Variants in FREM2 observed in about 807,000 individuals in gnomAD.
FREM2 encodes FRAS1 related extracellular matrix 2.
FREM2 carries 119 observed loss-of-function variants against 219.9 expected under a neutral mutation model. That is an observed-to-expected ratio of 0.54 (90% confidence interval 0.47 to 0.63). The LOEUF (loss-of-function observed/expected upper bound fraction) is 0.63. FREM2 is among the 30% of genes least tolerant of loss of function. FREM2 has a pLI of 0.00. For synonymous variants in FREM2, 1,562 were observed against 1,522.8 expected (o/e 1.03, Z -0.60); for missense variants, 4,030 against 3,993.6 (o/e 1.01, Z -0.25).
chr13:38,773,406 T>A (rs1873747156), intron 4 of FREM2, among the ~76,000 whole-genome samples: 1 of 152,052 alleles, frequency 6.6e-6, no homozygotes, highest in African/African-American at 2.4e-5. Flanking sequence ...CCCTTTTTTT[T>A]TCGAGACGGT....
Position 38,691,580 on chromosome 13 carries a change from G to A in FREM2, c.4236G>A (p.Val1412=). ...INPLIDRYFY[V]SIGSIDIVFP... is the part of the protein sequence containing the mutation. ...CCCTCATAGATCGTTACTTTTATGT[G>A]TCCATCGGGAGCATTGACATTGTCT... is the stretch of plus-strand genomic sequence containing the variant. The change falls in exon 1 of 24, where the codon GTG becomes GTA. Residue 1412 remains valine, a synonymous_variant. Coordinates refer to ENST00000280481, the MANE Select transcript of FREM2 (RefSeq NM_207361.6). 2 of 1,614,178 alleles carry A rather than the reference G, an allele frequency of 1.2e-6. No individual in the cohort carries two copies. Among genetic ancestry groups the A allele is most frequent in the Non-Finnish European group, 1.7e-6 (2 of 1,180,032 alleles).
chr13:38,688,904 G>A lies in FREM2; in HGVS notation c.1560G>A (p.Gln520=), dbSNP rs759006881. ...TGGCAGCCGGCCAGGTGGTCTACCA[G>A]CATGATGACAGAGACGGCTCGCTGA... ...AELAAGQVVY[Q]HDDRDGSLSD... is the part of the protein sequence containing the mutation. Residue 520 remains glutamine, a synonymous_variant, in exon 1 of 24, where the codon CAG becomes CAA. Coordinates refer to ENST00000280481, the MANE Select transcript of FREM2 (RefSeq NM_207361.6). 2.5e-6 allele frequency: 4 copies of A among 1,612,930 alleles called. No homozygotes were observed. Among genetic ancestry groups the A allele is most frequent in the Non-Finnish European group, 1.7e-6 (2 of 1,179,488 alleles).
chr13:38,801,808 T>C (rs1035756973), intron 6 of FREM2, among the ~76,000 whole-genome samples: 1 of 152,178 alleles, frequency 6.6e-6, no homozygotes, highest in Non-Finnish European at 1.5e-5. Flanking sequence ...GCCCAGTTCG[T>C]TGGCTTTCAT....
At chr13:38,764,793 T>C (rs187114651) in intron 3 of FREM2, among the ~76,000 whole-genome samples, 2 of 152,368 alleles carry the variant, frequency 1.3e-5, no homozygotes, top group Admixed American at 1.3e-4. Flanking sequence ...GACCTTTCTT[T>C]GTAACAACAG....
intron 11 of FREM2, among the ~76,000 whole-genome samples, chr13:38,855,540 A>C (rs1444612639): frequency 6.6e-6 from 1 of 152,156 alleles, no homozygotes; most frequent in Non-Finnish European, 1.5e-5. Context: ...CCAATGTCTT[A>C]TTATTAAAAT....
intron 4 of FREM2, among the ~76,000 whole-genome samples, chr13:38,781,365 A>G (rs1874110591): frequency 1.3e-5 from 2 of 151,956 alleles, no homozygotes; most frequent in African/African-American, 2.4e-5. Context: ...TTTCCTGTGT[A>G]TCTTAGGCCC....
At chr13:38,788,711 G>C (rs922550167) in intron 6 of FREM2, among the ~76,000 whole-genome samples, 27 of 152,060 alleles carry the variant, frequency 1.8e-4, no homozygotes, top group Middle Eastern at 3.4e-3. Context: ...GTATAATGTT[G>C]GATGGAAGCA....
At chr13:38,868,740 A>G (rs1254173076) in intron 16 of FREM2, among the ~76,000 whole-genome samples, 1 of 152,252 alleles carries the variant, frequency 6.6e-6, no homozygotes, top group African/African-American at 2.4e-5. Context: ...GAATGCAAGC[A>G]TATTTCATGA....
chr13:38,876,625 T>C (rs908881281), intron 20 of FREM2, among the ~76,000 whole-genome samples: 19 of 152,316 alleles, frequency 1.2e-4, no homozygotes, highest in African/African-American at 4.3e-4. Flanking sequence ...TTTTTTCTTA[T>C]CTGATCTTAT....
intron 2 of FREM2, among the ~76,000 whole-genome samples, chr13:38,709,588 C>T (rs569403357): frequency 6.6e-6 from 1 of 152,076 alleles, no homozygotes; most frequent in South Asian, 2.1e-4. Context: ...GAATATACTA[C>T]ATAGGTATAT....
chr13:38,805,261 T>TTTTC (rs916800381), intron 6 of FREM2, among the ~76,000 whole-genome samples: 21 of 151,660 alleles, frequency 1.4e-4, no homozygotes, highest in African/African-American at 5.1e-4. Flanking sequence ...GAGGTGAGGC[T>TTTTC]AGAAAGGAAA....
intron 6 of FREM2, among the ~76,000 whole-genome samples, chr13:38,804,149 A>G (rs1875128646): frequency 6.6e-6 from 1 of 152,084 alleles, no homozygotes. Context: ...CAAAAAGTAG[A>G]AAAATGAGTT....
Position 38,859,390 on chromosome 13 carries a change from C to CT in FREM2, c.7320dup (p.Ala2441CysfsTer4). ...CGGTACCGGTGGCTGATTAGTGCAC[C>CT]TGCGGGCCCTGACGGTGTGACCAGC... On this transcript the variant is annotated frameshift_variant, in exon 14 of 24. Transcript: ENST00000280481. LOFTEE classifies it high-confidence loss of function. The CT allele has an allele frequency of 4.3e-6, 7 of 1,614,170 alleles. No individual in the cohort carries two copies. The highest frequency in any genetic ancestry group is 5.9e-6 in the Non-Finnish European group (7 of 1,180,024).
chr13:38,691,026 A>G lies in FREM2; in HGVS notation c.3682A>G (p.Thr1228Ala), dbSNP rs754959035. The G allele has an allele frequency of 2.5e-5, 40 of 1,613,992 alleles. No homozygotes were observed. Among genetic ancestry groups the G allele is most frequent in the Non-Finnish European group, 2.7e-5 (32 of 1,180,030 alleles). ...ADVPLDDLTFTITQFPTHGHI... is the reference protein window; with the variant it reads ...ADVPLDDLTFAITQFPTHGHI... ...TGTTCCCCTGGATGATTTAACTTTC[A>G]CTATTACCCAATTCCCCACTCATGG... Residue 1228 changes from threonine to alanine, a missense_variant, in exon 1 of 24, where the codon ACT (threonine) becomes GCT (alanine). Thr to Ala is a moderately conservative substitution (Grantham distance 58). Coordinates refer to ENST00000280481, the MANE Select transcript of FREM2 (RefSeq NM_207361.6).
intron 2 of FREM2, among the ~76,000 whole-genome samples, chr13:38,754,898 G>GATTATTATTATTATTATT (rs770487106): frequency 0.024 from 2,917 of 122,586 alleles, 45 homozygotes; most frequent in Middle Eastern, 0.047. Flanking sequence ...TGATGATGAT[G>GATTATTATTATTATTATT]ATGATTATTA....
chr13:38,694,313 A>C (rs535361326), intron 1 of FREM2, among the ~76,000 whole-genome samples: 25 of 152,344 alleles, frequency 1.6e-4, no homozygotes, highest in Admixed American at 1.1e-3. Context: ...ATTTTTAAGG[A>C]AAATTATCAC....
At chr13:38,791,588 G>C (rs1444362031) in intron 6 of FREM2, among the ~76,000 whole-genome samples, 1 of 152,104 alleles carries the variant, frequency 6.6e-6, no homozygotes, top group Non-Finnish European at 1.5e-5. Context: ...GGCAGCAGGA[G>C]AGAGTGAGAG....
intron 6 of FREM2, among the ~76,000 whole-genome samples, chr13:38,798,038 C>T (rs1006507735): frequency 6.6e-6 from 1 of 151,992 alleles, no homozygotes; most frequent in African/African-American, 2.4e-5. Context: ...AAGCAGGCAT[C>T]CTTATCTTGA....
At chr13:38,809,237 T>C (rs1393218741) in intron 6 of FREM2, among the ~76,000 whole-genome samples, 1 of 150,444 alleles carries the variant, frequency 6.6e-6, no homozygotes, top group Non-Finnish European at 1.5e-5. Flanking sequence ...TTCTGTTTGG[T>C]TCATTTTAAT....
Sources: allele counts gnomAD v4.1 joint callset (sites outside exome capture counted in the v4.1 genomes callset), GRCh38; gene constraint gnomAD v4.1.1; transcripts MANE v1.5; gene names NCBI Gene and HGNC (gene_info 2026-07-23, HGNC 2026-07-21).